Variants in PGM5 observed in about 807,000 individuals in gnomAD.
PGM5 encodes phosphoglucomutase 5.
In PGM5, 23 loss-of-function variants were observed where a neutral mutation model predicts 59.2. The observed-to-expected ratio is 0.39, with a 90% CI of 0.28 to 0.55. The LOEUF (loss-of-function observed/expected upper bound fraction) is 0.55. Among genes scored for constraint, PGM5 ranks in the 20% least tolerant of loss-of-function variants. PGM5 has a pLI of 0.66. For synonymous variants in PGM5, 214 were observed against 286.0 expected, an observed-to-expected ratio of 0.75 and a Z score of 2.54; for missense variants, 574 against 748.3, an observed-to-expected ratio of 0.77 and a Z score of 2.72.
chr9:68,395,090 T>A (rs1415230039), intron 6 of PGM5, among the ~76,000 whole-genome samples: 1 of 152,182 alleles, frequency 6.6e-6, no homozygotes, highest in Non-Finnish European at 1.5e-5. Context: ...TTCTCCATAT[T>A]TTCTTCTAGA....
chr9:68,433,456 G>A (rs1222680881), intron 6 of PGM5, among the ~76,000 whole-genome samples: 6 of 152,122 alleles, frequency 3.9e-5, no homozygotes, highest in African/African-American at 1.4e-4. Flanking sequence ...ATTAAGCTTT[G>A]ATTAGTAAAC....
In PGM5 at chr9:68,515,716, C is replaced by T. The variant is rs139422339; in HGVS notation, c.1615-13851C>T. ...TTTCTCACTCCAAGAGCTGGGAACA[C>T]CCCAACATTCTTAATCTCTTTTTAT... On this transcript the variant is annotated intron_variant, in intron 10 of 10. Coordinates refer to ENST00000396396, the MANE Select transcript of PGM5 (RefSeq NM_021965.4). Among the ~76,000 whole-genome samples, 127 of 152,274 alleles carry T rather than the reference C, an allele frequency of 8.3e-4. 1 individual carries two copies. The highest frequency in any genetic ancestry group is 3.4e-3 in the Middle Eastern group (1 of 294).
chr9:68,447,164 G>A (rs1010065467), intron 6 of PGM5, among the ~76,000 whole-genome samples: 1 of 152,186 alleles, frequency 6.6e-6, no homozygotes, highest in Non-Finnish European at 1.5e-5. Context: ...AAGCCGGAGG[G>A]AGGGACATGT....
chr9:68,370,581 A>T (rs566592688), intron 1 of PGM5, among the ~76,000 whole-genome samples: 1 of 152,208 alleles, frequency 6.6e-6, no homozygotes, highest in Non-Finnish European at 1.5e-5. Context: ...TCATTAAAAA[A>T]CCATAGTTGT....
chr9:68,385,023 C>T (rs551109068), intron 3 of PGM5, among the ~76,000 whole-genome samples: 15 of 151,952 alleles, frequency 9.9e-5, no homozygotes, highest in African/African-American at 2.7e-4. Context: ...TACCAAGCAC[C>T]GTGTTAGGAG....
chr9:68,470,333 G>A (rs932224882), intron 7 of PGM5, among the ~76,000 whole-genome samples: 5 of 152,112 alleles, frequency 3.3e-5, no homozygotes, highest in Non-Finnish European at 7.4e-5. Flanking sequence ...TTGTCTTATG[G>A]TTTATGTTAT....
chr9:68,396,896 A>G (rs1563992612), intron 6 of PGM5: 1 of 152,262 alleles, frequency 6.6e-6, no homozygotes, highest in Non-Finnish European at 1.5e-5. Flanking sequence ...GATCCATTAA[A>G]TGACACACTT....
At chr9:68,449,572 C>A (rs1823663640) in intron 6 of PGM5, among the ~76,000 whole-genome samples, 1 of 152,196 alleles carries the variant, frequency 6.6e-6, no homozygotes, top group South Asian at 2.1e-4. Flanking sequence ...GTAAGGATTT[C>A]TGCCTGTTAA....
rs991461065 is a variant in PGM5 at position 68,429,997 on chromosome 9, G to A, written c.1044-35096G>A. Among the ~76,000 whole-genome samples, 17 of 152,146 alleles carry A rather than the reference G, an allele frequency of 1.1e-4. 1 individual carries two copies. The highest frequency in any genetic ancestry group is 6.5e-5 in the Admixed American group (1 of 15,278). ...AAGGAACAGTATCTGGGTATCTGAG[G>A]TTGGTTTTGTTTCCTTTATTTTCTC... On this transcript the variant is annotated intron_variant, in intron 6 of 10. Transcript: ENST00000396396.
chr9:68,396,433 G>T (rs527610071), intron 6 of PGM5: 4 of 152,134 alleles, frequency 2.6e-5, no homozygotes, highest in Non-Finnish European at 5.9e-5. Flanking sequence ...AGGGGAGGCT[G>T]GTTTTATTCT....
At chr9:68,387,671 A>G in intron 4 of PGM5, 83 bp downstream of exon 4, 2 of 1,355,828 alleles carry the variant, frequency 1.5e-6, no homozygotes, top group African/African-American at 1.4e-5. Flanking sequence ...TTAAGAGGAA[A>G]GTTGGATTCA....
intron 10 of PGM5, among the ~76,000 whole-genome samples, chr9:68,509,876 C>G (rs1246276356): frequency 6.6e-6 from 1 of 152,118 alleles, no homozygotes; most frequent in Non-Finnish European, 1.5e-5. Flanking sequence ...TGGTTTGCAT[C>G]TGAAAGGCAA....
Position 68,481,047 on chromosome 9 carries a change from T to A in PGM5, c.1295+1494T>A, listed in dbSNP as rs373687835. 3.0e-4 allele frequency among the ~76,000 whole-genome samples: 46 copies of A among 152,296 alleles called. 1 individual carries two copies. In the South Asian group the frequency reaches 7.9e-3, roughly 26 times the overall value. The stretch of plus-strand genomic sequence containing the variant: ...GACTCTGTATTAAAAGCAGAAAGAT[T>A]GTGACTCATTTTGCTTTGTTTATGA... On this transcript the variant is annotated intron_variant, in intron 8 of 10. Coordinates refer to ENST00000396396, the MANE Select transcript of PGM5 (RefSeq NM_021965.4).
intron 6 of PGM5, among the ~76,000 whole-genome samples, chr9:68,418,229 A>G (rs574996165): frequency 1.3e-5 from 2 of 152,230 alleles, no homozygotes; most frequent in South Asian, 2.1e-4. Flanking sequence ...CCTGCCCACA[A>G]AAGTGTCCCA....
chr9:68,473,998 G>A (rs782649215), intron 7 of PGM5, among the ~76,000 whole-genome samples: 9 of 151,968 alleles, frequency 5.9e-5, no homozygotes, highest in Non-Finnish European at 1.0e-4. Flanking sequence ...CTACCCCCAG[G>A]CATTCTGCCC....
intron 6 of PGM5, among the ~76,000 whole-genome samples, chr9:68,425,262 ACATGGCAG>A (rs1554682619): frequency 6.6e-6 from 1 of 152,198 alleles, no homozygotes; most frequent in African/African-American, 2.4e-5. Flanking sequence ...TCACTTGATG[ACATGGCAG>A]AAGCATCCAA....
intron 10 of PGM5, among the ~76,000 whole-genome samples, chr9:68,509,366 T>A (rs567212529): frequency 1.3e-5 from 2 of 152,236 alleles, no homozygotes; most frequent in Non-Finnish European, 2.9e-5. Flanking sequence ...GTTTTACTTT[T>A]GAGCATTTTT....
At chr9:68,365,071 C>G (rs1253871579) in intron 1 of PGM5, among the ~76,000 whole-genome samples, 2 of 151,740 alleles carry the variant, frequency 1.3e-5, no homozygotes, top group African/African-American at 4.8e-5. Flanking sequence ...TCTATACAGA[C>G]TTGAGGACAA....
intron 6 of PGM5, among the ~76,000 whole-genome samples, chr9:68,402,230 C>T (rs1822691339): frequency 6.6e-6 from 1 of 152,220 alleles, no homozygotes; most frequent in Non-Finnish European, 1.5e-5. Context: ...TGCCACTGCA[C>T]TCCAGCCTGG....
Sources: gnomAD v4.1 joint callset for allele counts (sites outside exome capture counted in the v4.1 genomes callset) on GRCh38, gnomAD v4.1.1 for gene constraint, MANE v1.5 for transcripts, NCBI Gene and HGNC (gene_info 2026-07-23, HGNC 2026-07-21) for gene names.